The following GRIN2B variants were observed in gnomAD, a reference collection of about 807,000 sequenced individuals.
GRIN2B encodes glutamate ionotropic receptor NMDA type subunit 2B.
Under a neutral mutation model 114.5 loss-of-function variants are expected in GRIN2B, and 5 were observed. The ratio of observed to expected loss-of-function variants is 0.04; its 90% CI spans 0.02 to 0.09. GRIN2B has a LOEUF of 0.09. Ranked by LOEUF, GRIN2B falls within the 10% of genes least tolerant of loss-of-function variation. The pLI is 1.00. For missense variants in GRIN2B, 1,108 were observed against 1,943.5 expected, an observed-to-expected ratio of 0.57 and a Z score of 8.08; for synonymous variants, 787 against 745.1, an observed-to-expected ratio of 1.06 and a Z score of -0.92.
chr12:13,740,949 T>C (rs1351801858), intron 4 of GRIN2B, among the ~76,000 whole-genome samples: 1 of 152,192 alleles, frequency 6.6e-6, no homozygotes, highest in Non-Finnish European at 1.5e-5. Flanking sequence ...ATGTGTGTCC[T>C]GGATGCCACT....
intron 2 of GRIN2B, among the ~76,000 whole-genome samples, chr12:13,878,478 C>A (rs1290795959): frequency 1.3e-5 from 2 of 152,234 alleles, no homozygotes; most frequent in African/African-American, 4.8e-5. Flanking sequence ...TGTGCACTGT[C>A]CACACCTTGG....
intron 4 of GRIN2B, among the ~76,000 whole-genome samples, chr12:13,688,438 GC>G (rs1156860223): frequency 5.9e-5 from 9 of 152,162 alleles, no homozygotes; most frequent in African/African-American, 2.2e-4. Context: ...CTGGTAAGGA[GC>G]TATGTTCATA....
At chr12:13,650,746 CTCTG>C (rs1405364827) in intron 5 of GRIN2B, among the ~76,000 whole-genome samples, 3 of 152,192 alleles carry the variant, frequency 2.0e-5, no homozygotes, top group African/African-American at 4.8e-5. Flanking sequence ...CAACACTTAT[CTCTG>C]TCTAACAAAT....
intron 2 of GRIN2B, among the ~76,000 whole-genome samples, chr12:13,970,426 G>A (rs12322168): frequency 0.061 from 9,249 of 152,134 alleles, 406 homozygotes; most frequent in Non-Finnish European, 0.1. Context: ...TGGATGGCAA[G>A]GAAATAGAAA....
chr12:13,643,944 T>A (rs933656546), intron 5 of GRIN2B, among the ~76,000 whole-genome samples: 1 of 152,174 alleles, frequency 6.6e-6, no homozygotes, highest in African/African-American at 2.4e-5. Context: ...AGTTAACTCC[T>A]CCACTGAAGT....
chr12:13,714,170 G>A (rs1376991091), intron 4 of GRIN2B, among the ~76,000 whole-genome samples: 1 of 151,706 alleles, frequency 6.6e-6, no homozygotes, highest in Non-Finnish European at 1.5e-5. Context: ...CACTCCTGAT[G>A]GATTGGAGAT....
At chr12:13,693,012 C>T (rs1455580843) in intron 4 of GRIN2B, among the ~76,000 whole-genome samples, 1 of 151,958 alleles carries the variant, frequency 6.6e-6, no homozygotes, top group African/African-American at 2.4e-5. Context: ...AGGTGATCTG[C>T]CTGCCTAGGC....
intron 3 of GRIN2B, among the ~76,000 whole-genome samples, chr12:13,787,660 T>G (rs1390362574): frequency 3.3e-5 from 5 of 152,214 alleles, no homozygotes; most frequent in Non-Finnish European, 7.3e-5. Flanking sequence ...TTATGGTCGT[T>G]TAAGCCTGTA....
At chr12:13,718,516 C>T (rs1950479125) in intron 4 of GRIN2B, among the ~76,000 whole-genome samples, 1 of 152,042 alleles carries the variant, frequency 6.6e-6, no homozygotes, top group African/African-American at 2.4e-5. Flanking sequence ...TACTGGCTTA[C>T]ACCCAAGTGT....
intron 5 of GRIN2B, among the ~76,000 whole-genome samples, chr12:13,640,579 G>A (rs978618757): frequency 1.3e-5 from 2 of 152,052 alleles, no homozygotes; most frequent in African/African-American, 2.4e-5. Context: ...CCTTTATTCC[G>A]AATCTGGCTT....
chr12:13,795,933 G>C (rs964160329), intron 3 of GRIN2B, among the ~76,000 whole-genome samples: 9 of 152,058 alleles, frequency 5.9e-5, no homozygotes, highest in African/African-American at 1.9e-4. Flanking sequence ...GGCCTGTCGT[G>C]GGGTGAGGGG....
intron 10 of GRIN2B, among the ~76,000 whole-genome samples, chr12:13,596,571 T>C (rs1335197338): frequency 6.6e-6 from 1 of 152,208 alleles, no homozygotes; most frequent in Non-Finnish European, 1.5e-5. Context: ...GGAAGGTTGC[T>C]GAGAGTGGGA....
intron 4 of GRIN2B, among the ~76,000 whole-genome samples, chr12:13,714,415 T>C (rs769378712): frequency 6.6e-6 from 1 of 151,820 alleles, no homozygotes; most frequent in East Asian, 1.9e-4. Context: ...TGGAGAGAAA[T>C]AGTTTCCCTA....
chr12:13,567,520 C>A (rs529156698), intron 12 of GRIN2B, among the ~76,000 whole-genome samples: 1 of 152,144 alleles, frequency 6.6e-6, no homozygotes, highest in Non-Finnish European at 1.5e-5. Context: ...ACACATGAGA[C>A]GTTGCTCCCG....
At chr12:13,916,735 A>ACACACACAAATGTGTGTG (rs59238170) in intron 2 of GRIN2B, among the ~76,000 whole-genome samples, 2 of 101,904 alleles carry the variant, frequency 2.0e-5, no homozygotes, top group African/African-American at 7.0e-5. Context: ...ACACACACAC[A>ACACACACAAATGTGTGTG]TTTGTGTGTG....
In GRIN2B at chr12:13,615,875, T is replaced by C. The variant is rs1160061950; in HGVS notation, c.1329-211A>G. ...TCTCGTCATATTGAGATATGTTTCC[T>C]CTTAATTTTAATTCTCCTTTGAAGT... On this transcript the variant is annotated intron_variant, in intron 6 of 13. Coordinates refer to ENST00000609686, the MANE Select transcript of GRIN2B (RefSeq NM_000834.5). The surrounding 1 kb of genome is among the most constrained non-coding windows in gnomAD (Gnocchi z 5.8). 2.6e-5 allele frequency among the ~76,000 whole-genome samples: 4 copies of C among 152,200 alleles called. No individual in the cohort carries two copies. Among genetic ancestry groups the C allele is most frequent in the African/African-American group, 9.7e-5 (4 of 41,448 alleles).
At chr12:13,705,086 G>A (rs1029943456) in intron 4 of GRIN2B, among the ~76,000 whole-genome samples, 265 of 67,308 alleles carry the variant, frequency 3.9e-3, no homozygotes, top group African/African-American at 0.012. Context: ...CCTTCCCCCT[G>A]ATAATGATTT....
chr12:13,634,198 C>T (rs1345377644), intron 5 of GRIN2B: 1 of 152,196 alleles, frequency 6.6e-6, no homozygotes, highest in Non-Finnish European at 1.5e-5. Flanking sequence ...TGAGATCCTG[C>T]AGGGGATACG....
intron 4 of GRIN2B, among the ~76,000 whole-genome samples, chr12:13,732,110 A>C (rs967336583): frequency 7.2e-5 from 11 of 152,228 alleles, no homozygotes; most frequent in African/African-American, 2.7e-4. Flanking sequence ...TATAAGAGCT[A>C]AAATTTAATG....
Sources: gnomAD v4.1 joint callset for allele counts (sites outside exome capture counted in the v4.1 genomes callset) on GRCh38, gnomAD v4.1.1 for gene constraint, Gnocchi (gnomAD v3.1) non-coding constraint, MANE v1.5 for transcripts, NCBI Gene and HGNC (gene_info 2026-07-23, HGNC 2026-07-21) for gene names.